Variants in XYLT1 observed in about 807,000 individuals in gnomAD.
XYLT1 encodes the protein xylosyltransferase 1.
XYLT1 carries 36 observed loss-of-function variants against 91.3 expected under a neutral mutation model. The observed-to-expected ratio is 0.39, with a 90% CI of 0.30 to 0.52. The LOEUF is 0.52. Ranked by LOEUF, XYLT1 falls within the 20% of genes least tolerant of loss-of-function variation. The pLI, the probability that XYLT1 is intolerant of heterozygous loss-of-function variation, is 0.68. For synonymous variants in XYLT1, 588 were observed against 532.0 expected, an observed-to-expected ratio of 1.11 and a Z score of -1.45; for missense variants, 1,242 against 1,284.5, an observed-to-expected ratio of 0.97 and a Z score of 0.51.
At chr16:17,401,526 A>G (rs1296485768) in intron 1 of XYLT1, among the ~76,000 whole-genome samples, 1 of 152,122 alleles carries the variant, frequency 6.6e-6, no homozygotes. Context: ...CTTCTTCAAC[A>G]TCCTTTTCTA....
At chr16:17,406,674 C>T (rs1213875169) in intron 1 of XYLT1, among the ~76,000 whole-genome samples, 4 of 152,072 alleles carry the variant, frequency 2.6e-5, no homozygotes, top group South Asian at 2.1e-4. Context: ...GCTGTGTTCA[C>T]GCCAACCTTC....
chr16:17,402,593 G>T (rs946526220), intron 1 of XYLT1, among the ~76,000 whole-genome samples: 1 of 152,090 alleles, frequency 6.6e-6, no homozygotes, highest in African/African-American at 2.4e-5. Context: ...CCTCCTTTAA[G>T]ACATGGACAA....
At chr16:17,311,092 C>A (rs763724374) in intron 2 of XYLT1, among the ~76,000 whole-genome samples, 1 of 152,136 alleles carries the variant, frequency 6.6e-6, no homozygotes, top group Non-Finnish European at 1.5e-5. Context: ...GCCTTCAGCC[C>A]AGGATAATCA....
chr16:17,252,644 G>A (rs7197213), intron 3 of XYLT1, among the ~76,000 whole-genome samples: 37,493 of 152,048 alleles, frequency 0.25, 4,929 homozygotes, highest in South Asian at 0.36. Context: ...GAAAAGTCCC[G>A]AGAGCAAGGA....
chr16:17,186,163 G>T (rs1488363415), intron 5 of XYLT1, among the ~76,000 whole-genome samples: 1 of 152,128 alleles, frequency 6.6e-6, no homozygotes, highest in Non-Finnish European at 1.5e-5. Flanking sequence ...GAGTGCAGTG[G>T]CGCGATCTCG....
chr16:17,447,743 G>T (rs2036611130), intron 1 of XYLT1, among the ~76,000 whole-genome samples: 1 of 148,458 alleles, frequency 6.7e-6, no homozygotes, highest in African/African-American at 2.6e-5. Context: ...GCTCTGCTGT[G>T]TGAACAAGCG....
intron 1 of XYLT1, among the ~76,000 whole-genome samples, chr16:17,432,420 A>T (rs569842583): frequency 3.3e-5 from 5 of 152,292 alleles, no homozygotes; most frequent in African/African-American, 1.2e-4. Context: ...CCTCAAAAAC[A>T]TCACGTGATA....
intron 2 of XYLT1, among the ~76,000 whole-genome samples, chr16:17,280,057 A>C (rs2034034170): frequency 6.6e-6 from 1 of 152,146 alleles, no homozygotes; most frequent in South Asian, 2.1e-4. Context: ...GGGATATCTA[A>C]AAAGCTATCC....
chr16:17,443,364 TG>T (rs1353627800), intron 1 of XYLT1, among the ~76,000 whole-genome samples: 1 of 152,178 alleles, frequency 6.6e-6, no homozygotes, highest in East Asian at 1.9e-4. Context: ...GGGAGGGACC[TG>T]GTGGGAAGTG....
At chr16:17,190,302 TTTA>T (rs1356262084) in intron 5 of XYLT1, among the ~76,000 whole-genome samples, 1 of 152,048 alleles carries the variant, frequency 6.6e-6, no homozygotes, top group East Asian at 1.9e-4. Flanking sequence ...TCAGTTTCTT[TTTA>T]TTATTATACT....
chr16:17,405,665 C>T (rs994445188), intron 1 of XYLT1, among the ~76,000 whole-genome samples: 1 of 152,168 alleles, frequency 6.6e-6, no homozygotes, highest in Admixed American at 6.5e-5. Flanking sequence ...TGGGAGATGT[C>T]CAGGCTGAGG....
chr16:17,185,896 G>T (rs2032172885), intron 5 of XYLT1, among the ~76,000 whole-genome samples: 1 of 152,116 alleles, frequency 6.6e-6, no homozygotes, highest in Admixed American at 6.5e-5. Context: ...AGGTACTTGG[G>T]AGGCTGAAGC....
intron 3 of XYLT1, among the ~76,000 whole-genome samples, chr16:17,235,297 CATCATT>C (rs984483545): frequency 1.0e-4 from 14 of 136,906 alleles, no homozygotes; most frequent in African/African-American, 3.9e-4. Flanking sequence ...GCCAAATCAT[CATCATT>C]ATCATCTTTT....
At position 17,420,968 on chromosome 16, in the gene XYLT1, A is replaced by G. The variant is rs117036765; in HGVS notation, c.363+49466T>C. ...ATCCTCTTGTCTTTGGGCCCACACC[A>G]AACACCAAACACGAGTCAACCACTC... On this transcript the variant is annotated intron_variant, in intron 1 of 11. Coordinates refer to ENST00000261381, the MANE Select transcript of XYLT1 (RefSeq NM_022166.4). Among the ~76,000 whole-genome samples the G allele has an allele frequency of 7.4e-3, 1,125 of 152,314 alleles. 6 individuals carry two copies. Among genetic ancestry groups the G allele is most frequent in the Non-Finnish European group, 0.011 (715 of 68,036 alleles).
intron 1 of XYLT1, among the ~76,000 whole-genome samples, chr16:17,457,326 C>G (rs887227109): frequency 2.6e-4 from 39 of 152,214 alleles, no homozygotes; most frequent in Non-Finnish European, 8.8e-5. Flanking sequence ...CTTTCTAGCA[C>G]CCACCTTCAT....
intron 2 of XYLT1, among the ~76,000 whole-genome samples, chr16:17,346,465 C>A (rs1421664163): frequency 2.0e-5 from 3 of 152,168 alleles, no homozygotes; most frequent in African/African-American, 7.2e-5. Flanking sequence ...CTGGTGGTCA[C>A]CAGTCATGGA....
chr16:17,378,621 A>T (rs147827344), intron 1 of XYLT1, among the ~76,000 whole-genome samples: 53 of 152,332 alleles, frequency 3.5e-4, no homozygotes, highest in Non-Finnish European at 4.7e-4. Flanking sequence ...TTTATGAAGC[A>T]CGTATTAGGT....
At chr16:17,369,888 C>A (rs759037493) in intron 1 of XYLT1, among the ~76,000 whole-genome samples, 1 of 152,208 alleles carries the variant, frequency 6.6e-6, no homozygotes, top group Non-Finnish European at 1.5e-5. Flanking sequence ...GAAGGAAGTG[C>A]TCTCATCACC....
chr16:17,153,355 C>T (rs1363060835), intron 6 of XYLT1, among the ~76,000 whole-genome samples: 2 of 152,220 alleles, frequency 1.3e-5, no homozygotes. Flanking sequence ...GCTCCAGAGC[C>T]TGGATTCTTA....
Sources: allele counts gnomAD v4.1 joint callset (sites outside exome capture counted in the v4.1 genomes callset), GRCh38; gene constraint gnomAD v4.1.1; transcripts MANE v1.5; gene names NCBI Gene and HGNC (gene_info 2026-07-23, HGNC 2026-07-21).